CDH13: variants seen among roughly 807,000 people sequenced by gnomAD.
The protein encoded by CDH13 is cadherin 13, also known as cadherin-13.
In CDH13, 24 loss-of-function variants were observed where a neutral mutation model predicts 63.8. The ratio of observed to expected loss-of-function variants is 0.38; its 90% CI spans 0.27 to 0.53. The LOEUF (loss-of-function observed/expected upper bound fraction) is 0.53, where lower values mean the gene tolerates loss of function less well. Among genes scored for constraint, CDH13 ranks in the 20% least tolerant of loss-of-function variants. The probability of loss-of-function intolerance (pLI) is 0.85; values close to 1 mark genes in which losing one functional copy is unlikely to be tolerated. For synonymous variants in CDH13, 503 were observed against 355.3 expected (o/e 1.42, Z -4.67); for missense variants, 1,049 against 903.1 (o/e 1.16, Z -2.07).
intron 8 of CDH13, among the ~76,000 whole-genome samples, chr16:83,629,642 A>C (rs1910608171): frequency 6.6e-6 from 1 of 152,214 alleles, no homozygotes; most frequent in Admixed American, 6.5e-5. Flanking sequence ...CTTAGAAAAA[A>C]AATTACACTC....
At chr16:82,888,457 G>C (rs1308259093) in intron 2 of CDH13, among the ~76,000 whole-genome samples, 1 of 152,180 alleles carries the variant, frequency 6.6e-6, no homozygotes, top group African/African-American at 2.4e-5. Flanking sequence ...CAAGTACAGG[G>C]CAAATGCCCC....
chr16:82,820,852 C>T (rs1445171143), intron 1 of CDH13, among the ~76,000 whole-genome samples: 1 of 152,134 alleles, frequency 6.6e-6, no homozygotes, highest in African/African-American at 2.4e-5. Context: ...TAACAACCAA[C>T]GTTTGACTGC....
intron 2 of CDH13, among the ~76,000 whole-genome samples, chr16:82,954,924 G>A (rs1239893224): frequency 6.6e-6 from 1 of 152,152 alleles, no homozygotes; most frequent in African/African-American, 2.4e-5. Flanking sequence ...ACTTAGGATA[G>A]TGTTTTAAAT....
chr16:82,873,081 G>C (rs1231314038), intron 2 of CDH13, among the ~76,000 whole-genome samples: 1 of 152,092 alleles, frequency 6.6e-6, no homozygotes, highest in East Asian at 1.9e-4. Flanking sequence ...AAGAATGGGT[G>C]GTCAAAGAAG....
intron 1 of CDH13, among the ~76,000 whole-genome samples, chr16:82,675,242 C>T (rs926448944): frequency 1.1e-3 from 167 of 152,226 alleles, no homozygotes; most frequent in African/African-American, 3.6e-3. Context: ...ATTGTGGCAT[C>T]GCTTTCTTGG....
chr16:83,266,121 G>T (rs148869377), intron 5 of CDH13, among the ~76,000 whole-genome samples: 3,244 of 152,082 alleles, frequency 0.021, 53 homozygotes, highest in South Asian at 0.04. Context: ...GTTTTTAGTA[G>T]AGACGGGGTT....
chr16:83,138,218 G>T (rs764531480), intron 4 of CDH13, among the ~76,000 whole-genome samples: 2 of 152,136 alleles, frequency 1.3e-5, no homozygotes, highest in African/African-American at 2.4e-5. Context: ...GCTGAAAATT[G>T]AGCTGCATTA....
At chr16:82,863,311 G>A (rs2040012056) in intron 2 of CDH13, among the ~76,000 whole-genome samples, 1 of 152,140 alleles carries the variant, frequency 6.6e-6, no homozygotes, top group African/African-American at 2.4e-5. Flanking sequence ...CCACTGAACA[G>A]AATTAGCTTC....
chr16:82,957,830 A>AAT (rs1465676006), intron 2 of CDH13, among the ~76,000 whole-genome samples: 1 of 152,248 alleles, frequency 6.6e-6, no homozygotes, highest in African/African-American at 2.4e-5. Context: ...AACTATAATG[A>AAT]ATATCTCTTA....
At chr16:83,331,372 A>G (rs2090476749) in intron 5 of CDH13, among the ~76,000 whole-genome samples, 1 of 152,134 alleles carries the variant, frequency 6.6e-6, no homozygotes, top group East Asian at 1.9e-4. Context: ...AGCCAGCCAC[A>G]CTCTGTATGG....
chr16:83,401,087 T>C (rs2091961340), intron 6 of CDH13, among the ~76,000 whole-genome samples: 1 of 152,022 alleles, frequency 6.6e-6, no homozygotes. Flanking sequence ...ACACCTATAA[T>C]CCCAGCACTT....
At chr16:83,227,174 C>G (rs371029834) in intron 5 of CDH13, among the ~76,000 whole-genome samples, 1 of 152,186 alleles carries the variant, frequency 6.6e-6, no homozygotes, top group Non-Finnish European at 1.5e-5. Context: ...GGTCAGAACC[C>G]GGATGCAAGC....
intron 2 of CDH13, among the ~76,000 whole-genome samples, chr16:82,971,386 C>T (rs987772184): frequency 6.6e-6 from 1 of 152,340 alleles, no homozygotes; most frequent in African/African-American, 2.4e-5. Flanking sequence ...ACACTTGAAT[C>T]CTTGTTGCAA....
chr16:83,347,908 C>G (rs1250630331), intron 6 of CDH13, among the ~76,000 whole-genome samples: 5 of 152,126 alleles, frequency 3.3e-5, no homozygotes, highest in Non-Finnish European at 7.4e-5. Flanking sequence ...AACCCAAGAA[C>G]CAGCTGGGTG....
intron 2 of CDH13, among the ~76,000 whole-genome samples, chr16:82,952,493 G>A (rs554698228): frequency 1.3e-5 from 2 of 152,320 alleles, no homozygotes; most frequent in South Asian, 2.1e-4. Flanking sequence ...TGTGAGTTCA[G>A]ATCCCTACAA....
chr16:83,346,323 G>C (rs1042070123), intron 6 of CDH13, among the ~76,000 whole-genome samples: 1 of 152,100 alleles, frequency 6.6e-6, no homozygotes, highest in African/African-American at 2.4e-5. Context: ...ATGGAAAGAT[G>C]GCTTCTGGTG....
chr16:83,352,001 A>G (rs141515957), intron 6 of CDH13, among the ~76,000 whole-genome samples: 1 of 152,278 alleles, frequency 6.6e-6, no homozygotes, highest in East Asian at 1.9e-4. Context: ...CTTGCTGGAT[A>G]TTGTGGTGGA....
At chr16:83,683,026 C>T (rs561903126) in intron 10 of CDH13, among the ~76,000 whole-genome samples, 1 of 152,328 alleles carries the variant, frequency 6.6e-6, no homozygotes, top group East Asian at 1.9e-4. Context: ...TTCTCAGGCA[C>T]CACTGCTCCT....
intron 1 of CDH13, among the ~76,000 whole-genome samples, chr16:82,821,482 A>G (rs887741501): frequency 6.6e-6 from 1 of 152,176 alleles, no homozygotes; most frequent in African/African-American, 2.4e-5. Flanking sequence ...TAGATGCAAG[A>G]GATCTGCCCT....
Sources: gnomAD v4.1 joint callset for allele counts (sites outside exome capture counted in the v4.1 genomes callset) on GRCh38, gnomAD v4.1.1 for gene constraint, MANE v1.5 for transcripts, NCBI Gene and HGNC (gene_info 2026-07-23, HGNC 2026-07-21) for gene names.